The following STK40 variants were observed in gnomAD, a reference collection of about 807,000 sequenced individuals.
STK40 encodes serine/threonine-protein kinase 40.
A neutral mutation model predicts 47.9 loss-of-function variants in STK40; 13 were observed. The observed-to-expected ratio is 0.27, with a 90% CI of 0.18 to 0.43. The LOEUF (loss-of-function observed/expected upper bound fraction) is 0.43. STK40 is among the 20% of genes least tolerant of loss of function. The pLI, the probability that STK40 is intolerant of heterozygous loss-of-function variation, is 1.00. For synonymous variants in STK40, 225 were observed against 243.2 expected, an observed-to-expected ratio of 0.93 and a Z score of 0.69; for missense variants, 460 against 595.1, an observed-to-expected ratio of 0.77 and a Z score of 2.36.
rs528997688 is a variant in STK40, at chr1:36,385,860, AGCCGCCGCCGCC to A, written c.-158_-147del. 332 of 175,536 alleles carry A rather than the reference AGCCGCCGCCGCC, an allele frequency of 1.9e-3. 1 individual carries two copies. The highest frequency in any genetic ancestry group is 6.8e-3 in the Admixed American group (105 of 15,432). 10.9% of individuals were successfully genotyped at this position (175,536 alleles called of 1,614,324 possible). On this transcript the variant is annotated 5_prime_UTR_variant, in exon 1 of 11. Coordinates refer to ENST00000373132, the MANE Select transcript of STK40 (RefSeq NM_001282547.2). ...CGCCGCCTCCCAGCGCAGCCACCCG[AGCCGCCGCCGCC>A]GCCGCCGCCGCCTCCCTCCATGGCT...
intron 1 of STK40, among the ~76,000 whole-genome samples, chr1:36,379,125 C>T (rs535484647): frequency 1.4e-4 from 21 of 152,362 alleles, no homozygotes; most frequent in African/African-American, 2.2e-4. Context: ...CTCTCTCTTC[C>T]TTCTGGACCC....
intron 6 of STK40, among the ~76,000 whole-genome samples, chr1:36,351,930 G>A (rs1646762728): frequency 1.3e-5 from 2 of 152,226 alleles, no homozygotes; most frequent in South Asian, 4.1e-4. Context: ...GAGGGCACAT[G>A]GGCTCTGCAG....
intron 1 of STK40, among the ~76,000 whole-genome samples, chr1:36,381,295 G>A (rs1027903398): frequency 1.3e-5 from 2 of 152,186 alleles, no homozygotes; most frequent in African/African-American, 2.4e-5. Flanking sequence ...TCAAGCATCT[G>A]CGCCCTAGTG....
chr1:36,346,934 T>A (rs1646707561), intron 7 of STK40, among the ~76,000 whole-genome samples: 1 of 152,156 alleles, frequency 6.6e-6, no homozygotes, highest in Admixed American at 6.5e-5. Flanking sequence ...CTTTGGGGAT[T>A]ACTGTAGAGG....
At chr1:36,366,660 G>A (rs1646904868) in intron 1 of STK40, among the ~76,000 whole-genome samples, 1 of 152,068 alleles carries the variant, frequency 6.6e-6, no homozygotes, top group South Asian at 2.1e-4. Flanking sequence ...AGTGAGATCT[G>A]TGATGATGCC....
intron 1 of STK40, among the ~76,000 whole-genome samples, chr1:36,375,640 C>T (rs1646985966): frequency 6.6e-6 from 1 of 152,176 alleles, no homozygotes; most frequent in South Asian, 2.1e-4. Flanking sequence ...GCAAAAATCA[C>T]CACAATTATC....
chr1:36,367,376 A>G (rs987757345), intron 1 of STK40, among the ~76,000 whole-genome samples: 15 of 152,278 alleles, frequency 9.9e-5, no homozygotes, highest in Admixed American at 7.8e-4. Flanking sequence ...TCAGTGTGAG[A>G]GGGCCTCACC....
chr1:36,353,352 T>G (rs185771918), intron 6 of STK40, among the ~76,000 whole-genome samples: 1 of 152,308 alleles, frequency 6.6e-6, no homozygotes, highest in Admixed American at 6.5e-5. Context: ...CCTACATGGT[T>G]GGTGGTCCCT....
chr1:36,354,443 C>T lies in STK40; in HGVS notation c.571-27G>A, dbSNP rs754784659. On this transcript the variant is annotated intron_variant, in intron 5 of 10. Transcript: ENST00000373132. ...TGTAAAACAACAGGCGTATGGTTTA[C>T]ATTGTCAATGTGAGAGGTGGGGTCA... is the stretch of plus-strand genomic sequence containing the variant. 5 of 1,613,552 alleles carry T rather than the reference C, an allele frequency of 3.1e-6. No homozygotes were observed. The Admixed American group carries it at 6.7e-5, about 22-fold the overall frequency.
intron 6 of STK40, among the ~76,000 whole-genome samples, chr1:36,353,314 T>G (rs182581437): frequency 3.9e-5 from 6 of 152,210 alleles, no homozygotes; most frequent in African/African-American, 1.4e-4. Flanking sequence ...GCCCACAGAG[T>G]GGGCCCACTT....
Position 36,342,969 on chromosome 1 carries a change from G to C in STK40, c.1089+395C>G, listed in dbSNP as rs141436165. ...AGGCCCAACACTTTCTCCAGTGCAG[G>C]GAATGGGGAGGAAAGAAATAGGGAG... On this transcript the variant is annotated intron_variant, in intron 10 of 10. Transcript: ENST00000373132. 8.6e-6 allele frequency: 5 copies of C among 578,412 alleles called. No homozygotes were observed. The East Asian group carries it at 1.4e-4, about 17-fold the overall frequency. 35.8% of individuals were successfully genotyped at this position (578,412 alleles called of 1,614,324 possible).
At chr1:36,363,650 CAA>C (rs796192523) in intron 1 of STK40, among the ~76,000 whole-genome samples, 8 of 118,908 alleles carry the variant, frequency 6.7e-5, no homozygotes, top group Admixed American at 8.7e-5. Context: ...ACTAAAAATA[CAA>C]AAAAAAAAAA....
At chr1:36,360,069 C>A (rs942180733) in intron 2 of STK40, among the ~76,000 whole-genome samples, 8 of 152,198 alleles carry the variant, frequency 5.3e-5, no homozygotes, top group Non-Finnish European at 7.3e-5. Context: ...AAGGCACTTG[C>A]ACCACCGGTG....
At chr1:36,385,584 G>A (rs1223372494) in intron 1 of STK40, 139 bp downstream of exon 1, 1 of 152,284 alleles carries the variant, frequency 6.6e-6, no homozygotes, top group East Asian at 1.9e-4. Context: ...GCGGAGGAGG[G>A]GGCATTCGCC....
At chr1:36,366,502 G>T (rs1199898309) in intron 1 of STK40, among the ~76,000 whole-genome samples, 1 of 152,164 alleles carries the variant, frequency 6.6e-6, no homozygotes, top group African/African-American at 2.4e-5. Flanking sequence ...TACTAGTAGG[G>T]TGAGCAAAGA....
At position 36,360,509 on chromosome 1, in the gene STK40, C is replaced by CACTTT. The variant is rs748415351; in HGVS notation, c.112+711_112+712insAAAGT. ...CCTTGGATGATAGATCTTGGGTTTT[C>CACTTT]ATTTTATTTTATTTTATTTTATTTT... On this transcript the variant is annotated intron_variant, in intron 2 of 10. Coordinates refer to ENST00000373132, the MANE Select transcript of STK40 (RefSeq NM_001282547.2). 7.3e-3 allele frequency among the ~76,000 whole-genome samples: 1,089 copies of CACTTT among 148,974 alleles called. 3 individuals carry two copies. Among genetic ancestry groups the CACTTT allele is most frequent in the Non-Finnish European group, 0.011 (763 of 67,430 alleles).
intron 4 of STK40, among the ~76,000 whole-genome samples, chr1:36,357,009 T>C (rs541276199): frequency 6.6e-6 from 1 of 152,350 alleles, no homozygotes; most frequent in East Asian, 1.9e-4. Flanking sequence ...AAGACCTTGC[T>C]GGGGTGTATA....
chr1:36,366,836 C>CTT (rs1170166317), intron 1 of STK40, among the ~76,000 whole-genome samples: 14 of 139,084 alleles, frequency 1.0e-4, no homozygotes, highest in East Asian at 2.1e-4. Flanking sequence ...TCTTCTTCTT[C>CTT]TTTTTTTTTT....
In STK40 at chr1:36,385,860, A is replaced by G; in HGVS notation, c.-146T>C. ...CGCCGCCTCCCAGCGCAGCCACCCGAGCCGCCGCCGCCGCCGCCGCCGCCT... is the reference window on the plus strand; with the variant it reads ...CGCCGCCTCCCAGCGCAGCCACCCGGGCCGCCGCCGCCGCCGCCGCCGCCT... On this transcript the variant is annotated 5_prime_UTR_variant, in exon 1 of 11. Coordinates refer to ENST00000373132, the MANE Select transcript of STK40 (RefSeq NM_001282547.2). 1 of 175,508 alleles carries G rather than the reference A, an allele frequency of 5.7e-6. No individual in the cohort carries two copies. The highest frequency in any genetic ancestry group is 1.1e-5 in the Non-Finnish European group (1 of 87,270). 10.9% of individuals were successfully genotyped at this position (175,508 alleles called of 1,614,324 possible). A position where few individuals can be genotyped will look rare whatever the true frequency, so the allele number is the denominator to read the frequency against.
Sources: gnomAD v4.1 joint callset for allele counts (sites outside exome capture counted in the v4.1 genomes callset) on GRCh38, gnomAD v4.1.1 for gene constraint, MANE v1.5 for transcripts, NCBI Gene and HGNC (gene_info 2026-07-23, HGNC 2026-07-21) for gene names.